Variants in RPS6KC1 observed in about 807,000 individuals in gnomAD.
The protein encoded by RPS6KC1 is inactive ribosomal protein S6 kinase delta-1.
Under a neutral mutation model 103.8 loss-of-function variants are expected in RPS6KC1, and 54 were observed. The ratio of observed to expected loss-of-function variants is 0.52; its 90% confidence interval spans 0.42 to 0.65. The LOEUF (loss-of-function observed/expected upper bound fraction) is 0.65, where lower values mean the gene tolerates loss of function less well. Among genes scored for constraint, RPS6KC1 ranks in the 30% least tolerant of loss-of-function variants. The pLI is 0.00. For synonymous variants in RPS6KC1, 439 were observed against 438.7 expected (o/e 1.00, Z -0.01); for missense variants, 1,151 against 1,253.8 (o/e 0.92, Z 1.24).
In RPS6KC1 at chr1:213,242,305, A is replaced by G; in HGVS notation, c.2821+8A>G. 1 of 1,613,194 alleles carries G rather than the reference A, an allele frequency of 6.2e-7. No homozygotes were observed. Among genetic ancestry groups the G allele is most frequent in the Non-Finnish European group, 8.5e-7 (1 of 1,179,468 alleles). On this transcript the variant is annotated splice_region_variant and intron_variant, in intron 11 of 14. Transcript: ENST00000366960. ...TCTTATTGAATGATAGAGGTCAGGA[A>G]CTTTTGCAAATGCATTTCTTTTTAT...
At chr1:213,639,972 AT>A in the RPS6KC1 span, among the ~76,000 whole-genome samples, 1 of 151,268 alleles carries the variant, frequency 6.6e-6, no homozygotes, top group South Asian at 2.1e-4. Context: ...AATTGGTGTT[AT>A]TTTTTCTTTA....
At chr1:213,497,697 G>A in the RPS6KC1 span, among the ~76,000 whole-genome samples, 11 of 152,176 alleles carry the variant, frequency 7.2e-5, no homozygotes, top group African/African-American at 2.6e-4. Context: ...AAAGCAGGTG[G>A]AGGGAATTAA....
At position 213,260,445 on chromosome 1, in the gene RPS6KC1, G is replaced by A. The variant is rs140104214; in HGVS notation, c.2912-1113G>A. 3.9e-3 allele frequency among the ~76,000 whole-genome samples: 588 copies of A among 152,190 alleles called. 7 individuals are homozygous for A. Among genetic ancestry groups the A allele is most frequent in the African/African-American group, 0.014 (562 of 41,516 alleles). On this transcript the variant is annotated intron_variant, in intron 12 of 14. Transcript: ENST00000366960. ...ATGGCTCTTTTTCTTTTTCTGGTCC[G>A]TATGACTTTTGCTTTAAGACTATTG...
the RPS6KC1 span, among the ~76,000 whole-genome samples, chr1:213,778,112 A>G: frequency 3.0e-4 from 45 of 152,292 alleles, no homozygotes; most frequent in African/African-American, 1.1e-3. Context: ...TCAGAGGACC[A>G]GTGTAGCCTC....
At chr1:213,599,051 C>T in the RPS6KC1 span, among the ~76,000 whole-genome samples, 1 of 151,992 alleles carries the variant, frequency 6.6e-6, no homozygotes. Context: ...CTAGTGACGT[C>T]TTAGATTATT....
intron 8 of RPS6KC1, among the ~76,000 whole-genome samples, chr1:213,197,233 T>C (rs2092985664): frequency 6.6e-6 from 1 of 152,240 alleles, no homozygotes; most frequent in African/African-American, 2.4e-5. Context: ...TCCAGATTTA[T>C]TCTCTTTGCT....
chr1:213,635,604 C>T, the RPS6KC1 span, among the ~76,000 whole-genome samples: 3 of 152,018 alleles, frequency 2.0e-5, no homozygotes, highest in Non-Finnish European at 2.9e-5. Context: ...AACTAGCTAT[C>T]GATGGAATGT....
the RPS6KC1 span, among the ~76,000 whole-genome samples, chr1:213,724,630 T>C: frequency 0.052 from 7,939 of 152,234 alleles, 297 homozygotes; most frequent in Middle Eastern, 0.14. Context: ...CCAGGTATAG[T>C]GGCTCGTGCT....
the RPS6KC1 span, among the ~76,000 whole-genome samples, chr1:213,771,752 G>C: frequency 6.6e-6 from 1 of 152,182 alleles, no homozygotes; most frequent in Non-Finnish European, 1.5e-5. Context: ...TGACAATAAA[G>C]AGTTTAGCTG....
At chr1:213,828,662 G>A in the RPS6KC1 span, among the ~76,000 whole-genome samples, 5 of 152,152 alleles carry the variant, frequency 3.3e-5, no homozygotes, top group African/African-American at 9.7e-5. Flanking sequence ...AACTGAAAAA[G>A]ATCTTAGAGA....
At chr1:213,154,547 A>G (rs760370800) in intron 6 of RPS6KC1, among the ~76,000 whole-genome samples, 1 of 152,198 alleles carries the variant, frequency 6.6e-6, no homozygotes, top group Admixed American at 6.5e-5. Context: ...CCCAGACCAT[A>G]GGACTACTGC....
downstream of RPS6KC1, among the ~76,000 whole-genome samples, chr1:213,277,441 C>A (rs1368179706): frequency 6.6e-6 from 1 of 152,094 alleles, no homozygotes; most frequent in Non-Finnish European, 1.5e-5. Context: ...GAGAAAGTAA[C>A]CTGAGTGAGT....
intron 12 of RPS6KC1, among the ~76,000 whole-genome samples, chr1:213,254,974 C>CA (rs558900101): frequency 0.011 from 1,544 of 141,012 alleles, 37 homozygotes; most frequent in East Asian, 0.067. Context: ...TGAAAATTGG[C>CA]AAAAAAAAAA....
At chr1:213,779,127 C>T in the RPS6KC1 span, among the ~76,000 whole-genome samples, 377 of 152,240 alleles carry the variant, frequency 2.5e-3, 5 homozygotes, top group Admixed American at 0.019. Context: ...TGATCAATTG[C>T]TGCTGAAAAA....
chr1:213,459,534 A>C, the RPS6KC1 span, among the ~76,000 whole-genome samples: 2 of 152,086 alleles, frequency 1.3e-5, no homozygotes, highest in Non-Finnish European at 1.5e-5. Flanking sequence ...TTTAAAAAAA[A>C]CCAGCTCCTG....
chr1:213,479,498 A>T, the RPS6KC1 span, among the ~76,000 whole-genome samples: 1 of 152,044 alleles, frequency 6.6e-6, no homozygotes, highest in Non-Finnish European at 1.5e-5. Context: ...GAGGCAAAAT[A>T]CTTGTATATA....
At chr1:213,296,742 A>T in the RPS6KC1 span, among the ~76,000 whole-genome samples, 1 of 152,136 alleles carries the variant, frequency 6.6e-6, no homozygotes, top group Non-Finnish European at 1.5e-5. Flanking sequence ...AGCAGGAGAG[A>T]TCATTCTTGT....
At chr1:213,530,264 G>A in the RPS6KC1 span, among the ~76,000 whole-genome samples, 7 of 152,112 alleles carry the variant, frequency 4.6e-5, no homozygotes, top group Admixed American at 6.5e-5. Flanking sequence ...GATTTTGCCT[G>A]TGCATTTCTT....
At chr1:213,605,261 G>C in the RPS6KC1 span, among the ~76,000 whole-genome samples, 1 of 152,094 alleles carries the variant, frequency 6.6e-6, no homozygotes, top group Non-Finnish European at 1.5e-5. Flanking sequence ...TTACAAAATG[G>C]ACGGAAATAG....
Sources: gnomAD v4.1 joint callset for allele counts (sites outside exome capture counted in the v4.1 genomes callset) on GRCh38, gnomAD v4.1.1 for gene constraint, MANE v1.5 for transcripts, NCBI Gene and HGNC (gene_info 2026-07-23, HGNC 2026-07-21) for gene names.